DOCK9: variants seen among roughly 807,000 people sequenced by gnomAD.
DOCK9 encodes the protein dedicator of cytokinesis 9.
Under a neutral mutation model 263.3 loss-of-function variants are expected in DOCK9, and 89 were observed. That is an observed-to-expected ratio of 0.34 (90% CI 0.28 to 0.40). DOCK9 has a LOEUF of 0.40. Among genes scored for constraint, DOCK9 ranks in the 10% least tolerant of loss-of-function variants. The pLI is 1.00. For synonymous variants in DOCK9, 976 were observed against 973.1 expected, an observed-to-expected ratio of 1.00 and a Z score of -0.06; for missense variants, 2,140 against 2,603.4, an observed-to-expected ratio of 0.82 and a Z score of 3.87.
chr13:99,030,849 C>T (rs1414371992), intron 1 of DOCK9, among the ~76,000 whole-genome samples: 1 of 152,130 alleles, frequency 6.6e-6, no homozygotes, highest in Admixed American at 6.5e-5. Flanking sequence ...AGAACCACTC[C>T]CCACACTAAT....
chr13:98,812,168 A>T (rs1181318421), intron 45 of DOCK9, among the ~76,000 whole-genome samples: 14 of 123,712 alleles, frequency 1.1e-4, no homozygotes, highest in African/African-American at 4.1e-4. Context: ...CTACACTTTA[A>T]TGGGTTTTTT....
chr13:99,075,029 T>C (rs1418653943), intron 1 of DOCK9, among the ~76,000 whole-genome samples: 1 of 152,238 alleles, frequency 6.6e-6, no homozygotes. Flanking sequence ...ATGTTGCATC[T>C]TTACATTTGT....
chr13:99,039,098 G>A (rs1888218918), intron 1 of DOCK9, among the ~76,000 whole-genome samples: 1 of 152,182 alleles, frequency 6.6e-6, no homozygotes, highest in African/African-American at 2.4e-5. Flanking sequence ...TACAAAAGCT[G>A]TCAGAAAACA....
intron 45 of DOCK9, among the ~76,000 whole-genome samples, chr13:98,813,060 G>A (rs2091470187): frequency 6.6e-6 from 1 of 152,156 alleles, no homozygotes; most frequent in African/African-American, 2.4e-5. Context: ...TAAAACCATA[G>A]TATAAGAATG....
At chr13:99,086,356 C>G in exon 1 of DOCK9, 2 of 1,344,314 alleles carry the variant, frequency 1.5e-6, no homozygotes, top group Non-Finnish European at 1.9e-6. Flanking sequence ...CGACATCCTC[C>G]TGCCCCCGCC....
intron 1 of DOCK9, among the ~76,000 whole-genome samples, chr13:99,080,081 C>T (rs1323560426): frequency 6.6e-6 from 1 of 152,194 alleles, no homozygotes; most frequent in Non-Finnish European, 1.5e-5. Flanking sequence ...TCCAGTCTTA[C>T]ATGATTATTT....
chr13:98,966,709 A>T (rs764903995), intron 1 of DOCK9, among the ~76,000 whole-genome samples: 15 of 152,252 alleles, frequency 9.9e-5, no homozygotes, highest in Non-Finnish European at 1.8e-4. Context: ...TGGAATATTC[A>T]TAACACATAG....
chr13:98,828,821 G>A (rs1227416615), intron 43 of DOCK9, among the ~76,000 whole-genome samples: 2 of 152,140 alleles, frequency 1.3e-5, no homozygotes, highest in African/African-American at 4.8e-5. Flanking sequence ...TACTTGTACT[G>A]GAGCCCACAC....
intron 1 of DOCK9, among the ~76,000 whole-genome samples, chr13:99,039,824 T>C (rs762826130): frequency 1.6e-4 from 24 of 152,178 alleles, no homozygotes; most frequent in Admixed American, 4.6e-4. Flanking sequence ...AAATTTCTGA[T>C]AGCACTGAGG....
At chr13:98,914,269 G>T in intron 9 of DOCK9, 59 bp downstream of exon 9, 1 of 1,405,198 alleles carries the variant, frequency 7.1e-7, no homozygotes, top group African/African-American at 1.4e-5. Context: ...ACAAACCAGT[G>T]AAATGAGACA....
intron 1 of DOCK9, among the ~76,000 whole-genome samples, 163 bp downstream of exon 1, chr13:98,977,620 AG>A (rs1180079267): frequency 6.6e-6 from 1 of 152,206 alleles, no homozygotes; most frequent in South Asian, 2.1e-4. Flanking sequence ...GAAGAATCAA[AG>A]GGGAATCGAA....
chr13:98,901,153 T>C (rs1231748231), intron 13 of DOCK9, among the ~76,000 whole-genome samples: 5 of 152,210 alleles, frequency 3.3e-5, no homozygotes, highest in Non-Finnish European at 5.9e-5. Context: ...TGAGCCTCAG[T>C]GTCCTGAAAT....
intron 45 of DOCK9, among the ~76,000 whole-genome samples, chr13:98,817,451 C>CTTTTTTTTTTTTTTTTTTTT (rs10683281): frequency 2.0e-5 from 2 of 97,614 alleles, no homozygotes; most frequent in African/African-American, 9.9e-5. Flanking sequence ...ATACACCCAG[C>CTTTTTTTTTTTTTTTTTTTT]TTTTTTTTTT....
At chr13:99,063,857 A>C (rs1006886326) in intron 1 of DOCK9, among the ~76,000 whole-genome samples, 21 of 151,810 alleles carry the variant, frequency 1.4e-4, no homozygotes, top group African/African-American at 5.1e-4. Context: ...AGCACAACTC[A>C]TCTTGTCACA....
chr13:98,995,582 G>A lies in DOCK9; in HGVS notation c.130-40031C>T, dbSNP rs1029750139. ...CGGCTCACTGCAAGCTCCGCCCCCCGAGTTCACACCATTCTCCTGCCTCAG... is the reference window on the plus strand; with the variant it reads ...CGGCTCACTGCAAGCTCCGCCCCCCAAGTTCACACCATTCTCCTGCCTCAG... On this transcript the variant is annotated intron_variant, in intron 1 of 32. Coordinates refer to the DOCK9 transcript ENST00000427887. Among the ~76,000 whole-genome samples, 20 of 141,984 alleles carry A rather than the reference G, an allele frequency of 1.4e-4. No homozygotes were observed. The East Asian group carries it at 2.1e-3, about 15-fold the overall frequency. 93.1% of individuals were successfully genotyped at this position (141,984 alleles called of 152,430 possible).
At position 98,823,500 on chromosome 13, in the gene DOCK9, C is replaced by T. The variant is rs143681318; in HGVS notation, c.5130+898G>A. Reference sequence around the variant, plus strand: ...CAGGATGAAGCAGGTGCAGCAGAGGCGGAAGAGACTGACTCCTTTCTTGGC... The same window carrying T: ...CAGGATGAAGCAGGTGCAGCAGAGGTGGAAGAGACTGACTCCTTTCTTGGC... On this transcript the variant is annotated intron_variant, in intron 45 of 52. Coordinates refer to ENST00000682017, the MANE Select transcript of DOCK9 (RefSeq NM_001366683.2). Among the ~76,000 whole-genome samples, 529 of 152,292 alleles carry T rather than the reference C, an allele frequency of 3.5e-3. 5 individuals are homozygous for T. Among genetic ancestry groups the T allele is most frequent in the African/African-American group, 0.011 (477 of 41,558 alleles).
At chr13:98,881,480 C>T in intron 25 of DOCK9, 78 bp downstream of exon 25, 2 of 1,175,384 alleles carry the variant, frequency 1.7e-6, no homozygotes, top group South Asian at 2.8e-5. Context: ...AATAACCAGG[C>T]TTGTGAAAAA....
chr13:98,972,010 C>T (rs1251913537), intron 1 of DOCK9, among the ~76,000 whole-genome samples: 7 of 152,186 alleles, frequency 4.6e-5, no homozygotes, highest in Non-Finnish European at 1.0e-4. Flanking sequence ...CAATGCTAAG[C>T]TCAAGTGAAT....
chr13:98,867,394 GA>G, intron 30 of DOCK9, 30 bp downstream of exon 30: 2 of 1,191,660 alleles, frequency 1.7e-6, no homozygotes, highest in Admixed American at 2.1e-5. Context: ...CTCTGTTTGT[GA>G]AAAGGTTAAT....
Sources: allele counts gnomAD v4.1 joint callset (sites outside exome capture counted in the v4.1 genomes callset), GRCh38; gene constraint gnomAD v4.1.1; transcripts MANE v1.5; gene names NCBI Gene and HGNC (gene_info 2026-07-23, HGNC 2026-07-21).